Variants in DRG1 observed in about 807,000 individuals in gnomAD.
The protein encoded by DRG1 is developmentally regulated GTP binding protein 1.
Under a neutral mutation model 38.8 loss-of-function variants are expected in DRG1, and 19 were observed. That is an observed-to-expected ratio of 0.49 (90% CI 0.34 to 0.72). The LOEUF (loss-of-function observed/expected upper bound fraction) is 0.72, where lower values mean the gene tolerates loss of function less well. Ranked by LOEUF, DRG1 falls within the 30% of genes least tolerant of loss-of-function variation. DRG1 has a pLI of 0.01. For synonymous variants in DRG1, 167 were observed against 157.5 expected (o/e 1.06, Z -0.45); for missense variants, 299 against 444.8 (o/e 0.67, Z 2.95).
chr22:31,403,530 A>G (rs891987431), intron 3 of DRG1, among the ~76,000 whole-genome samples: 6 of 152,054 alleles, frequency 3.9e-5, no homozygotes, highest in Admixed American at 1.3e-4. Flanking sequence ...AGCCGGGTGT[A>G]GTGGCACATG....
intron 3 of DRG1, among the ~76,000 whole-genome samples, chr22:31,408,607 G>A (rs995320063): frequency 2.0e-5 from 3 of 151,876 alleles, no homozygotes; most frequent in African/African-American, 4.8e-5. Flanking sequence ...AAAAAAATTG[G>A]TGGGGCATGG....
intron 4 of DRG1, among the ~76,000 whole-genome samples, chr22:31,417,385 T>A (rs940841465): frequency 1.4e-5 from 2 of 143,070 alleles, no homozygotes; most frequent in Non-Finnish European, 3.1e-5. Context: ...ATAATAATAA[T>A]AAAAATAAAA....
chr22:31,420,668 G>A (rs1049843449), intron 5 of DRG1, among the ~76,000 whole-genome samples: 1 of 152,104 alleles, frequency 6.6e-6, no homozygotes, highest in Non-Finnish European at 1.5e-5. Context: ...ATGGGCGTGT[G>A]GACCAATATT....
At chr22:31,400,506 G>A (rs2049955020) in intron 1 of DRG1, 114 bp from the exon 2 acceptor site, 4 of 1,365,688 alleles carry the variant, frequency 2.9e-6, no homozygotes, top group Non-Finnish European at 3.0e-6. Context: ...CTCTTTTAAA[G>A]CCTGTAAACT....
In DRG1 at chr22:31,432,528, C is replaced by T. The variant is rs948534348; in HGVS notation, c.1005-1344C>T. Among the ~76,000 whole-genome samples, 11 of 151,868 alleles carry T rather than the reference C, an allele frequency of 7.2e-5. No homozygotes were observed. The East Asian group carries it at 1.5e-3, about 21-fold the overall frequency. On this transcript the variant is annotated intron_variant, in intron 8 of 8. Coordinates refer to ENST00000331457, the MANE Select transcript of DRG1 (RefSeq NM_004147.4). ...GCAACCTCCGCCTCCCAGGTTCAAG[C>T]GATTCTCCTGCCTCAGCCTCCCAAG...
In DRG1 at chr22:31,403,178, A is replaced by G. The variant is rs747445902; in HGVS notation, c.316A>G (p.Ile106Val). ...FTTLTTVPGV[I>V]RYKGAKIQLL... ...TACTCTGACCACTGTGCCTGGTGTC[A>G]TCAGATACAAAGGTGCCAAGATCCA... Residue 106 changes from isoleucine (I) to valine (V), a missense_variant, in exon 3 of 9, where the codon ATC (isoleucine) becomes GTC (valine). Around this residue, in one of 3 missense-constraint regions of DRG1, gnomAD observed 50 missense variants for 120.6 expected, o/e 0.41. Transcript: ENST00000331457. 6.2e-7 allele frequency: 1 copy of G among 1,612,746 alleles called. No individual in the cohort carries two copies. The highest frequency in any genetic ancestry group is 8.5e-7 in the Non-Finnish European group (1 of 1,179,640).
At chr22:31,426,825 C>A in intron 7 of DRG1, 43 bp downstream of exon 7, 1 of 1,594,510 alleles carries the variant, frequency 6.3e-7, no homozygotes, top group Non-Finnish European at 8.5e-7. Flanking sequence ...AGGAATTAAC[C>A]AGACTGTCCT....
At chr22:31,423,182 A>G (rs1312345747) in intron 5 of DRG1, 98 bp from the exon 6 acceptor site, 2 of 1,473,738 alleles carry the variant, frequency 1.4e-6, no homozygotes, top group Non-Finnish European at 1.9e-6. Flanking sequence ...ATGAGTTTGC[A>G]TCTTAGCTAG....
intron 4 of DRG1, among the ~76,000 whole-genome samples, chr22:31,419,499 T>C (rs1311612481): frequency 6.6e-6 from 1 of 151,910 alleles, no homozygotes; most frequent in Non-Finnish European, 1.5e-5. Context: ...CAAAATAATA[T>C]ATTTTATATG....
At position 31,423,374 on chromosome 22, in the gene DRG1, C is replaced by T. The variant is rs2050088091; in HGVS notation, c.677C>T (p.Thr226Ile). The change falls in exon 6 of 9, where the codon ACA becomes ATA. Residue 226 changes from threonine (T) to isoleucine (I), a missense_variant. Thr to Ile is a moderately conservative substitution (Grantham distance 89). Coordinates refer to ENST00000331457, the MANE Select transcript of DRG1 (RefSeq NM_004147.4). Reference protein sequence around the residue: ...NADVTLRSDATADDLIDVVEG... With the variant: ...NADVTLRSDAIADDLIDVVEG... The stretch of plus-strand genomic sequence containing the variant: ...GATGTGACTCTACGTAGTGATGCTA[C>T]AGCTGATGACCTCATTGATGTGGTG... 1.2e-6 allele frequency: 2 copies of T among 1,614,100 alleles called. No individual in the cohort carries two copies. Among genetic ancestry groups the T allele is most frequent in the East Asian group, 2.2e-5 (1 of 44,886 alleles).
At chr22:31,418,276 C>T (rs2050055313) in intron 4 of DRG1, among the ~76,000 whole-genome samples, 1 of 151,718 alleles carries the variant, frequency 6.6e-6, no homozygotes, top group South Asian at 2.1e-4. Context: ...GACCCTGTCT[C>T]TACAAAAATA....
intron 5 of DRG1, among the ~76,000 whole-genome samples, chr22:31,422,050 G>T (rs1408789608): frequency 6.6e-6 from 1 of 151,850 alleles, no homozygotes; most frequent in African/African-American, 2.4e-5. Context: ...GGTGGAGGTT[G>T]CAGTGAGCCG....
intron 3 of DRG1, among the ~76,000 whole-genome samples, chr22:31,406,073 C>T (rs921109950): frequency 1.3e-5 from 2 of 149,572 alleles, no homozygotes; most frequent in Admixed American, 6.7e-5. Context: ...GGCACAATCT[C>T]GGCTCACTCC....
At chr22:31,425,986 A>G (rs779399921) in intron 6 of DRG1, among the ~76,000 whole-genome samples, 38 of 152,196 alleles carry the variant, frequency 2.5e-4, no homozygotes, top group Non-Finnish European at 5.1e-4. Context: ...TATTGATTGG[A>G]CACTAGGAAT....
chr22:31,407,886 C>T (rs922121396), intron 3 of DRG1, among the ~76,000 whole-genome samples: 5 of 150,380 alleles, frequency 3.3e-5, no homozygotes, highest in Admixed American at 6.6e-5. Flanking sequence ...TTTGGGAGGC[C>T]GAGGTGAGCG....
rs71319190 is a variant in DRG1, at chr22:31,407,685, CTTTTT to C, written c.343-3317_343-3313del. On this transcript the variant is annotated intron_variant, in intron 3 of 8. Transcript: ENST00000331457. ...ATTTTTATTTTTTATTTTCATTTTTCTTTTTTTTTTTTTTGAGTACGTTCTTGAAT... is the reference window on the plus strand; with the variant it reads ...ATTTTTATTTTTTATTTTCATTTTTCTTTTTTTTTGAGTACGTTCTTGAAT... 4.6e-3 allele frequency among the ~76,000 whole-genome samples: 629 copies of C among 137,236 alleles called. 5 individuals carry two copies. Among genetic ancestry groups the C allele is most frequent in the Non-Finnish European group, 7.6e-3 (485 of 64,108 alleles). 90.0% of individuals were successfully genotyped at this position (137,236 alleles called of 152,430 possible). A position where few individuals can be genotyped will look rare whatever the true frequency, so the allele number is the denominator to read the frequency against.
chr22:31,424,940 C>T (rs563527766), intron 6 of DRG1, among the ~76,000 whole-genome samples: 18 of 150,868 alleles, frequency 1.2e-4, no homozygotes, highest in African/African-American at 4.4e-4. Context: ...GTAGCTGGGA[C>T]TACAGGTGTC....
intron 5 of DRG1, among the ~76,000 whole-genome samples, 189 bp downstream of exon 5, chr22:31,420,614 C>A (rs1013965786): frequency 6.6e-6 from 1 of 152,148 alleles, no homozygotes; most frequent in African/African-American, 2.4e-5. Context: ...TCAGACTTAC[C>A]TTTGCTACTT....
rs766054397 is a variant in DRG1, at chr22:31,420,281, G to C, written c.438G>C (p.Leu146Phe). 6.2e-7 allele frequency: 1 copy of C among 1,613,986 alleles called. No individual in the cohort carries two copies. The highest frequency in any genetic ancestry group is 8.5e-7 in the Non-Finnish European group (1 of 1,179,984). ...TGGCCCGAACCTGTAACTTGATCTTGATTGTTCTGGATGTCCTGAAACCTT... is the reference window on the plus strand; with the variant it reads ...TGGCCCGAACCTGTAACTTGATCTTCATTGTTCTGGATGTCCTGAAACCTT... ...IAVARTCNLI[L>F]IVLDVLKPLG... is the part of the protein sequence containing the mutation. The change falls in exon 5 of 9, where the codon TTG becomes TTC. Residue 146 changes from leucine to phenylalanine, a missense_variant. This residue lies in a region of DRG1 where 198 missense variants were observed against 268.1 expected (regional missense o/e 0.74). Transcript: ENST00000331457.
Sources: allele counts gnomAD v4.1 joint callset (sites outside exome capture counted in the v4.1 genomes callset), GRCh38; gene constraint gnomAD v4.1.1; regional missense constraint gnomAD v4.1.1; transcripts MANE v1.5; gene names NCBI Gene and HGNC (gene_info 2026-07-23, HGNC 2026-07-21).